ULK4: variants seen among roughly 807,000 people sequenced by gnomAD.
The protein encoded by ULK4 is inactive serine/threonine-protein kinase ULK4.
ULK4 carries 133 observed loss-of-function variants against 160.6 expected under a neutral mutation model. That is an observed-to-expected ratio of 0.83 (90% CI 0.72 to 0.96). ULK4 has a LOEUF of 0.96. ULK4 is among the 40% of genes least tolerant of loss of function. The pLI, the probability that ULK4 is intolerant of heterozygous loss-of-function variation, is 0.00. For synonymous variants in ULK4, 534 were observed against 539.8 expected (o/e 0.99, Z 0.15); for missense variants, 1,580 against 1,499.5 (o/e 1.05, Z -0.89).
At chr3:41,726,700 C>T (rs1243259883) in intron 22 of ULK4, among the ~76,000 whole-genome samples, 1 of 152,224 alleles carries the variant, frequency 6.6e-6, no homozygotes, top group Non-Finnish European at 1.5e-5. Flanking sequence ...ACTGCAACCT[C>T]CGCCTCCTGG....
chr3:41,866,956 A>G (rs1349981874), intron 17 of ULK4, among the ~76,000 whole-genome samples: 1 of 152,118 alleles, frequency 6.6e-6, no homozygotes, highest in African/African-American at 2.4e-5. Context: ...CCCAGTCTTG[A>G]CGTTAGTAAT....
intron 33 of ULK4, among the ~76,000 whole-genome samples, chr3:41,462,337 C>G (rs1043385836): frequency 6.6e-6 from 1 of 152,154 alleles, no homozygotes; most frequent in African/African-American, 2.4e-5. Flanking sequence ...TGATATACAT[C>G]TCTTGCAATT....
At chr3:41,651,566 G>C (rs1297588318) in intron 30 of ULK4, among the ~76,000 whole-genome samples, 4 of 152,160 alleles carry the variant, frequency 2.6e-5, no homozygotes, top group African/African-American at 9.7e-5. Flanking sequence ...ATGAATGAAT[G>C]AATGAATGAC....
intron 30 of ULK4, among the ~76,000 whole-genome samples, chr3:41,643,388 C>A (rs1202914434): frequency 2.0e-5 from 3 of 152,156 alleles, no homozygotes; most frequent in Non-Finnish European, 4.4e-5. Context: ...AGGAAGGGAA[C>A]CAGTGTCAAC....
At chr3:41,386,872 G>C (rs951528375) in intron 35 of ULK4, among the ~76,000 whole-genome samples, 1 of 152,096 alleles carries the variant, frequency 6.6e-6, no homozygotes, top group Non-Finnish European at 1.5e-5. Flanking sequence ...ATGTGATCTT[G>C]TCGATACCTA....
intron 32 of ULK4, among the ~76,000 whole-genome samples, chr3:41,549,947 C>G (rs2087002032): frequency 6.6e-6 from 1 of 151,970 alleles, no homozygotes; most frequent in Non-Finnish European, 1.5e-5. Flanking sequence ...GAGCTAAGAA[C>G]ACTATGTCTA....
chr3:41,899,245 G>A (rs1302034783), intron 13 of ULK4: 1 of 152,208 alleles, frequency 6.6e-6, no homozygotes, highest in African/African-American at 2.4e-5. Context: ...GGATTATCCT[G>A]CCTGACTAAC....
chr3:41,835,828 T>TGTCAAACAG (rs2041737334), intron 18 of ULK4, 36 bp downstream of exon 18: 1 of 1,470,674 alleles, frequency 6.8e-7, no homozygotes, highest in African/African-American at 1.4e-5. Context: ...TGTCAGAACA[T>TGTCAAACAG]GTCAAACAGC....
chr3:41,367,257 C>T (rs1559548059), intron 35 of ULK4, among the ~76,000 whole-genome samples: 5 of 152,156 alleles, frequency 3.3e-5, no homozygotes, highest in Admixed American at 3.3e-4. Context: ...TTTAAGATCT[C>T]GCTTTGATTT....
intron 34 of ULK4, among the ~76,000 whole-genome samples, chr3:41,438,071 T>A (rs931938360): frequency 6.7e-6 from 1 of 150,196 alleles, no homozygotes; most frequent in Non-Finnish European, 1.5e-5. Flanking sequence ...AAAATAACTT[T>A]ATCATATTCT....
chr3:41,334,207 T>C (rs550406892), intron 35 of ULK4, among the ~76,000 whole-genome samples: 52 of 152,302 alleles, frequency 3.4e-4, no homozygotes, highest in African/African-American at 1.2e-3. Flanking sequence ...TCACAGGGGC[T>C]GTAAACTGGC....
At position 41,629,330 on chromosome 3, in the gene ULK4, C is replaced by T. The variant is rs560235502; in HGVS notation, c.3072-13613G>A. Among the ~76,000 whole-genome samples the T allele has an allele frequency of 2.0e-5, 3 of 152,304 alleles. No individual in the cohort carries two copies. The East Asian group carries it at 5.8e-4, about 29-fold the overall frequency. On this transcript the variant is annotated intron_variant, in intron 30 of 36. Coordinates refer to ENST00000301831, the MANE Select transcript of ULK4 (RefSeq NM_017886.4). ...CTGGGCTGGGATGATTCAAGGAAGGCTCAGTTAATTCTGTTGACTGGAGCA... is the reference window on the plus strand; with the variant it reads ...CTGGGCTGGGATGATTCAAGGAAGGTTCAGTTAATTCTGTTGACTGGAGCA...
chr3:41,295,867 T>C (rs1485406125), intron 35 of ULK4, among the ~76,000 whole-genome samples: 1 of 152,228 alleles, frequency 6.6e-6, no homozygotes, highest in Non-Finnish European at 1.5e-5. Flanking sequence ...AGACTAAGAA[T>C]GCTCTTACCT....
intron 32 of ULK4, among the ~76,000 whole-genome samples, chr3:41,506,767 A>AATATATATATATATATATAT (rs71075470): frequency 5.3e-4 from 30 of 56,784 alleles, no homozygotes; most frequent in African/African-American, 1.6e-3. Context: ...TGTGATTTAA[A>AATATATATATATATATATAT]ATATATATAT....
intron 27 of ULK4, among the ~76,000 whole-genome samples, chr3:41,689,236 T>C (rs1360317822): frequency 1.3e-5 from 2 of 152,200 alleles, no homozygotes; most frequent in African/African-American, 4.8e-5. Context: ...AACAACCTGT[T>C]TGTTCTCATT....
intron 17 of ULK4, among the ~76,000 whole-genome samples, chr3:41,841,419 G>A (rs1350336209): frequency 2.3e-4 from 34 of 148,292 alleles, no homozygotes; most frequent in Admixed American, 1.5e-3. Flanking sequence ...GCCTGTGCCC[G>A]GCCGCCCCGT....
intron 32 of ULK4, among the ~76,000 whole-genome samples, chr3:41,470,018 G>GAAAAAAAAAA (rs71094650): frequency 1.3e-3 from 62 of 45,980 alleles, no homozygotes; most frequent in East Asian, 4.5e-3. Flanking sequence ...AAACAGAACA[G>GAAAAAAAAAA]AAAAAAAAAA....
At chr3:41,360,512 C>T (rs1254561760) in intron 35 of ULK4, among the ~76,000 whole-genome samples, 2 of 152,132 alleles carry the variant, frequency 1.3e-5, no homozygotes, top group Non-Finnish European at 2.9e-5. Flanking sequence ...ATGAACTCAA[C>T]TTAAATGGCC....
chr3:41,567,403 T>C (rs2087817820), intron 31 of ULK4, among the ~76,000 whole-genome samples: 1 of 149,826 alleles, frequency 6.7e-6, no homozygotes, highest in Non-Finnish European at 1.5e-5. Context: ...TGAAATAGGG[T>C]GCTCAGGATA....
Sources: allele counts gnomAD v4.1 joint callset (sites outside exome capture counted in the v4.1 genomes callset), GRCh38; gene constraint gnomAD v4.1.1; transcripts MANE v1.5; gene names NCBI Gene and HGNC (gene_info 2026-07-23, HGNC 2026-07-21).